The following PNMA5 variants were observed in gnomAD, a reference collection of about 807,000 sequenced individuals.
PNMA5 encodes the protein paraneoplastic antigen-like protein 5.
For synonymous variants in PNMA5, 138 were observed against 137.9 expected (o/e 1.00, Z 0.00); for missense variants, 334 against 356.6 (o/e 0.94, Z 0.51).
rs1319880572 is a variant in PNMA5 at position 152,989,901 on chromosome X, G to C, written c.*351C>G. Reference sequence around the variant, plus strand: ...TCAAAGTCCACAGGGTAGATATTTGGGGGTGTCCAGAGGACCAGGCCAGAG... The same window carrying C: ...TCAAAGTCCACAGGGTAGATATTTGCGGGTGTCCAGAGGACCAGGCCAGAG... On this transcript the variant is annotated 3_prime_UTR_variant, in exon 4 of 4. Coordinates refer to ENST00000535214, the MANE Select transcript of PNMA5 (RefSeq NM_001184924.2). 4 of 182,925 alleles carry C rather than the reference G, an allele frequency of 2.2e-5. No homozygotes were observed. The highest frequency in any genetic ancestry group is 8.9e-5 in the African/African-American group (3 of 33,660). 15.1% of individuals were successfully genotyped at this position (182,925 alleles called of 1,213,427 possible).
At position 152,991,119 on chromosome X, in the gene PNMA5, T is replaced by G; in HGVS notation, c.480A>C (p.Lys160Asn). 8.3e-7 allele frequency: 1 copy of G among 1,207,463 alleles called. No homozygotes were observed. The highest frequency in any genetic ancestry group is 1.1e-6 in the Non-Finnish European group (1 of 893,946). The change falls in exon 4 of 4, where the codon AAA (lysine) becomes AAC (asparagine). Residue 160 changes from lysine (K) to asparagine (N), a missense_variant. By Grantham distance (94) the Lys-to-Asn change is moderately conservative. Transcript: ENST00000535214. ...PKESMWYRKL[K>N]VFSGTASPSP... The stretch of plus-strand genomic sequence containing the variant: ...TAGGGGAAGCAGTTCCCGAAAACAC[T>G]TTCAGTTTCCTGTACCACATACTTT...
chrX:152,991,498 T>C lies in PNMA5; in HGVS notation c.101A>G (p.Glu34Gly). The C allele has an allele frequency of 8.3e-7, 1 of 1,207,067 alleles. No homozygotes were observed. The highest frequency in any genetic ancestry group is 1.1e-6 in the Non-Finnish European group (1 of 893,419). The change falls in exon 4 of 4, where the codon GAA (glutamate) becomes GGA (glycine). Residue 34 changes from glutamate (E) to glycine (G), a missense_variant. Coordinates refer to ENST00000535214, the MANE Select transcript of PNMA5 (RefSeq NM_001184924.2). Reference protein sequence around the residue: ...VGIPMECSEVEIQDTVKAGLQ... With the variant: ...VGIPMECSEVGIQDTVKAGLQ... Reference sequence around the variant, plus strand: ...GCCTGCCTTCACAGTGTCCTGAATTTCCACCTCACTACACTCCATGGGGAT... The same window carrying C: ...GCCTGCCTTCACAGTGTCCTGAATTCCCACCTCACTACACTCCATGGGGAT...
Position 152,990,109 on chromosome X carries a change from TGGAAAGTAAG to T in PNMA5, c.*133_*142del. 1 of 990,271 alleles carries T rather than the reference TGGAAAGTAAG, an allele frequency of 1.0e-6. No homozygotes were observed. Among genetic ancestry groups the T allele is most frequent in the Non-Finnish European group, 1.3e-6 (1 of 774,320 alleles). 81.6% of individuals were successfully genotyped at this position (990,271 alleles called of 1,213,427 possible). ...GGTTGGTGAAGTCCCTTCCAGCTGGTGGAAAGTAAGGGGGCTTGATCTCGACCTGGCTTCC... is the reference window on the plus strand; with the variant it reads ...GGTTGGTGAAGTCCCTTCCAGCTGGTGGGGCTTGATCTCGACCTGGCTTCC... On this transcript the variant is annotated 3_prime_UTR_variant, in exon 4 of 4. Transcript: ENST00000535214.
rs782037514 is a variant in PNMA5 at position 152,990,424 on chromosome X, C to T, written c.1175G>A (p.Arg392His). 1.7e-6 allele frequency: 2 copies of T among 1,162,881 alleles called. No homozygotes were observed. The highest frequency in any genetic ancestry group is 1.8e-5 in the African/African-American group (1 of 55,238). ...IQGGLPPLVK[R>H]RRLLGSESTR... The stretch of plus-strand genomic sequence containing the variant: ...GCTTTCACTGCCTAACAGCCGCCTG[C>T]GTTTCACTAATGGGGGTAAGCCTCC... Residue 392 changes from arginine (R) to histidine (H), a missense_variant, in exon 4 of 4, where the codon CGC becomes CAC. Physicochemically the swap from Arg to His is conservative, Grantham distance 29. Transcript: ENST00000535214.
chrX:152,993,227 C>T (rs142217436), intron 1 of PNMA5, among the ~76,000 whole-genome samples: 2,214 of 107,722 alleles, frequency 0.021, 71 homozygotes, highest in African/African-American at 0.072. Context: ...CCTTCCACCA[C>T]CCAAGTCTAA....
At position 152,991,245 on chromosome X, in the gene PNMA5, T is replaced by G; in HGVS notation, c.354A>C (p.Thr118=). Reference sequence around the variant, plus strand: ...AACATCCCAGGGCTCTGGCCACATCTGTCATACTTCGGCCCTCATCTTTCA... The same window carrying G: ...AACATCCCAGGGCTCTGGCCACATCGGTCATACTTCGGCCCTCATCTTTCA... ...YFLKDEGRSM[T]DVARALGCCS... Residue 118 remains threonine, a synonymous_variant, in exon 4 of 4, where the codon ACA becomes ACC. Coordinates refer to ENST00000535214, the MANE Select transcript of PNMA5 (RefSeq NM_001184924.2). The G allele has an allele frequency of 8.3e-7, 1 of 1,200,824 alleles. No individual in the cohort carries two copies. The highest frequency in any genetic ancestry group is 1.1e-6 in the Non-Finnish European group (1 of 890,314).
At position 152,991,734 on chromosome X, in the gene PNMA5, T is replaced by C; in HGVS notation, c.-123-13A>G. 1.1e-6 allele frequency: 1 copy of C among 928,300 alleles called. No individual in the cohort carries two copies. The highest frequency in any genetic ancestry group is 2.0e-5 in the African/African-American group (1 of 50,786). 76.5% of individuals were successfully genotyped at this position (928,300 alleles called of 1,213,427 possible). A position where few individuals can be genotyped will look rare whatever the true frequency, so the allele number is the denominator to read the frequency against. Reference sequence around the variant, plus strand: ...GGTTTCACACAGCCTGCAAAGCAAATGGGATGAGAGCATTGTTAATGCCCA... The same window carrying C: ...GGTTTCACACAGCCTGCAAAGCAAACGGGATGAGAGCATTGTTAATGCCCA... On this transcript the variant is annotated splice_polypyrimidine_tract_variant and intron_variant, in intron 3 of 3. Coordinates refer to ENST00000535214, the MANE Select transcript of PNMA5 (RefSeq NM_001184924.2).
chrX:152,991,448 C>T lies in PNMA5; in HGVS notation c.151G>A (p.Val51Ile), dbSNP rs782265083. The T allele has an allele frequency of 1.7e-6, 2 of 1,205,411 alleles. No homozygotes were observed. Among genetic ancestry groups the T allele is most frequent in the Non-Finnish European group, 2.2e-6 (2 of 892,564 alleles). Residue 51 changes from valine (V) to isoleucine (I), a missense_variant, in exon 4 of 4, where the codon GTC becomes ATC. Transcript: ENST00000535214. ...TCCCTCCTGAACATTCTCCCTAGGA[C>T]CCTGTATGCGCACAGGGGCTGTAAG... ...AGLQPLCAYR[V>I]LGRMFRREDN...
Position 152,991,058 on chromosome X carries a change from G to A in PNMA5, c.541C>T (p.Gln181Ter), listed in dbSNP as rs1325884144. 1 of 1,202,118 alleles carries A rather than the reference G, an allele frequency of 8.3e-7. No homozygotes were observed. The highest frequency in any genetic ancestry group is 1.1e-6 in the Non-Finnish European group (1 of 892,327). ...CATATGGGCATTATCTCAGTGACCT[G>A]CTCTAGCCAGTCTTCAAAGGTCTCT... ...GEETFEDWLE[Q>*]VTEIMPIWQV... Residue 181 changes from glutamine (Q) to a stop codon, truncating the protein, a stop_gained, in exon 4 of 4, where the codon CAG becomes TAG. Coordinates refer to ENST00000535214, the MANE Select transcript of PNMA5 (RefSeq NM_001184924.2). LOFTEE classifies it low-confidence loss of function (END_TRUNC).
chrX:152,990,231 G>C lies in PNMA5; in HGVS notation c.*21C>G. The C allele has an allele frequency of 9.4e-7, 1 of 1,062,426 alleles. No homozygotes were observed. The highest frequency in any genetic ancestry group is 1.2e-6 in the Non-Finnish European group (1 of 821,060). 87.6% of individuals were successfully genotyped at this position (1,062,426 alleles called of 1,213,427 possible). A position where few individuals can be genotyped will look rare whatever the true frequency, so the allele number is the denominator to read the frequency against. On this transcript the variant is annotated 3_prime_UTR_variant, in exon 4 of 4. Coordinates refer to ENST00000535214, the MANE Select transcript of PNMA5 (RefSeq NM_001184924.2). ...TGTCCCTGCTGCCTGCCAGGGGAAG[G>C]AGTGCTTCGGTCTTCTGAGCCTATG...
At position 152,991,694 on chromosome X, in the gene PNMA5, G is replaced by A; in HGVS notation, c.-96C>T. 2 of 1,060,550 alleles carry A rather than the reference G, an allele frequency of 1.9e-6. No individual in the cohort carries two copies. The highest frequency in any genetic ancestry group is 3.7e-5 in the African/African-American group (2 of 53,356). The allele number at this position is 1,060,550 out of a possible 1,213,427, so 87.4% of individuals were successfully genotyped here. On this transcript the variant is annotated 5_prime_UTR_variant, in exon 4 of 4. Transcript: ENST00000535214. ...CTCTGAGCCACTGCCACGTAGGAAG[G>A]CAGAAGTGGTCCCAGGTTTCACACA...
Position 152,990,608 on chromosome X carries a change from A to G in PNMA5, c.991T>C (p.Trp331Arg). The change falls in exon 4 of 4, where the codon TGG (tryptophan) becomes CGG (arginine). Residue 331 changes from tryptophan to arginine, a missense_variant. Physicochemically the swap from Trp to Arg is moderately radical, Grantham distance 101. Transcript: ENST00000535214. ...TTCATCACTGCCTCAGTGTTCTCCC[A>G]CTCTTCTTCATCTCGAATGAGCTTC... ...LMKLIRDEEE[W>R]ENTEAVMKNK... 8.5e-7 allele frequency: 1 copy of G among 1,170,017 alleles called. No individual in the cohort carries two copies. Among genetic ancestry groups the G allele is most frequent in the Non-Finnish European group, 1.1e-6 (1 of 878,435 alleles).
intron 1 of PNMA5, among the ~76,000 whole-genome samples, chrX:152,993,413 G>C (rs2126031108): frequency 9.1e-6 from 1 of 110,023 alleles, no homozygotes; most frequent in East Asian, 2.9e-4. Context: ...CCACACCACC[G>C]ACATCAGTGG....
Position 152,991,134 on chromosome X carries a change from C to T in PNMA5, c.465G>A (p.Trp155Ter), listed in dbSNP as rs782584813. 1.1e-5 allele frequency: 13 copies of T among 1,207,449 alleles called. No individual in the cohort carries two copies. The highest frequency in any genetic ancestry group is 1.3e-5 in the Non-Finnish European group (12 of 894,227). ...PPLEPPKESMWYRKLKVFSGT... is the reference protein window; with the variant it reads ...PPLEPPKESM ...CCGAAAACACTTTCAGTTTCCTGTACCACATACTTTCTTTCGGAGGCTCTA... is the reference window on the plus strand; with the variant it reads ...CCGAAAACACTTTCAGTTTCCTGTATCACATACTTTCTTTCGGAGGCTCTA... The change falls in exon 4 of 4, where the codon TGG (tryptophan) becomes TGA (stop). Residue 155 changes from tryptophan (W) to a stop codon, truncating the protein, a stop_gained. Transcript: ENST00000535214. LOFTEE classifies it low-confidence loss of function (END_TRUNC).
At chrX:152,993,788 A>G (rs938565076) in intron 1 of PNMA5, among the ~76,000 whole-genome samples, 7 of 111,617 alleles carry the variant, frequency 6.3e-5, no homozygotes, top group African/African-American at 1.9e-4. Flanking sequence ...CAGGTGATCC[A>G]CCCGCCTCGG....
chrX:152,990,224 G>T lies in PNMA5; in HGVS notation c.*28C>A. 1 of 1,061,174 alleles carries T rather than the reference G, an allele frequency of 9.4e-7. No individual in the cohort carries two copies. Among genetic ancestry groups the T allele is most frequent in the Admixed American group, 3.6e-5 (1 of 27,413 alleles). The allele number at this position is 1,061,174 out of a possible 1,213,427, so 87.5% of individuals were successfully genotyped here. A position where few individuals can be genotyped will look rare whatever the true frequency, so the allele number is the denominator to read the frequency against. ...GTTCAAATGTCCCTGCTGCCTGCCAGGGGAAGGAGTGCTTCGGTCTTCTGA... is the reference window on the plus strand; with the variant it reads ...GTTCAAATGTCCCTGCTGCCTGCCATGGGAAGGAGTGCTTCGGTCTTCTGA... On this transcript the variant is annotated 3_prime_UTR_variant, in exon 4 of 4. Coordinates refer to ENST00000535214, the MANE Select transcript of PNMA5 (RefSeq NM_001184924.2).
Position 152,990,305 on chromosome X carries a change from C to G in PNMA5, c.1294G>C (p.Gly432Arg), listed in dbSNP as rs782124390. The change falls in exon 4 of 4, where the codon GGA becomes CGA. Residue 432 changes from glycine to arginine, a missense_variant. Coordinates refer to ENST00000535214, the MANE Select transcript of PNMA5 (RefSeq NM_001184924.2). Reference protein sequence around the residue: ...EGPQAAGEELGNEAGAGAMSH... With the variant: ...EGPQAAGEELRNEAGAGAMSH... ...ATGGCCCCAGCCCCTGCCTCGTTTC[C>G]CAACTCCTCTCCTGCAGCCTGTGGC... is the stretch of plus-strand genomic sequence containing the variant. The G allele has an allele frequency of 3.5e-6, 4 of 1,135,901 alleles. No homozygotes were observed. The highest frequency in any genetic ancestry group is 4.6e-6 in the Non-Finnish European group (4 of 864,502). The allele number at this position is 1,135,901 out of a possible 1,213,427, so 93.6% of individuals were successfully genotyped here. A position where few individuals can be genotyped will look rare whatever the true frequency, so the allele number is the denominator to read the frequency against.
In PNMA5 at chrX:152,990,398, T is replaced by C. The variant is rs1556924172; in HGVS notation, c.1201A>G (p.Thr401Ala). Residue 401 changes from threonine (T) to alanine (A), a missense_variant, in exon 4 of 4, where the codon ACT (threonine) becomes GCT (alanine). Coordinates refer to ENST00000535214, the MANE Select transcript of PNMA5 (RefSeq NM_001184924.2). ...GCCTGGCCATGGTCTTCTCCCCTAG[T>C]GCTTTCACTGCCTAACAGCCGCCTG... Reference protein sequence around the residue: ...KRRRLLGSESTRGEDHGQATY... With the variant: ...KRRRLLGSESARGEDHGQATY... 2.6e-6 allele frequency: 3 copies of C among 1,172,102 alleles called. No individual in the cohort carries two copies. Among genetic ancestry groups the C allele is most frequent in the Non-Finnish European group, 3.4e-6 (3 of 880,159 alleles).
Position 152,990,719 on chromosome X carries a change from C to G in PNMA5, c.880G>C (p.Ala294Pro). 1 of 1,199,081 alleles carries G rather than the reference C, an allele frequency of 8.3e-7. No homozygotes were observed. Among genetic ancestry groups the G allele is most frequent in the Non-Finnish European group, 1.1e-6 (1 of 890,326 alleles). Residue 294 changes from alanine (A) to proline (P), a missense_variant, in exon 4 of 4, where the codon GCT (alanine) becomes CCT (proline). Physicochemically the swap from Ala to Pro is conservative, Grantham distance 27. Transcript: ENST00000535214. Reference sequence around the variant, plus strand: ...AGGGCGGGGGTCATGGCGACCCGAGCTAAGAGATGTTTCAGACGAATCATG... The same window carrying G: ...AGGGCGGGGGTCATGGCGACCCGAGGTAAGAGATGTTTCAGACGAATCATG... ...TDMIRLKHLL[A>P]RVAMTPALRG...
Sources: gnomAD v4.1 joint callset for allele counts (sites outside exome capture counted in the v4.1 genomes callset) on GRCh38, gnomAD v4.1.1 for gene constraint, MANE v1.5 for transcripts, NCBI Gene and HGNC (gene_info 2026-07-23, HGNC 2026-07-21) for gene names.